Variants in SLC2A13 observed in about 807,000 individuals in gnomAD.
The protein encoded by SLC2A13 is proton myo-inositol cotransporter.
Under a neutral mutation model 64.4 loss-of-function variants are expected in SLC2A13, and 32 were observed. That is an observed-to-expected ratio of 0.50 (90% CI 0.37 to 0.67). The LOEUF (loss-of-function observed/expected upper bound fraction) is 0.67. Ranked by LOEUF, SLC2A13 falls within the 30% of genes least tolerant of loss-of-function variation. The pLI is 0.00. For synonymous variants in SLC2A13, 338 were observed against 327.1 expected, an observed-to-expected ratio of 1.03 and a Z score of -0.36; for missense variants, 743 against 829.2, an observed-to-expected ratio of 0.90 and a Z score of 1.28.
At chr12:39,967,809 G>C (rs991441614) in intron 3 of SLC2A13, among the ~76,000 whole-genome samples, 23 of 152,190 alleles carry the variant, frequency 1.5e-4, no homozygotes, top group Non-Finnish European at 1.5e-5. Flanking sequence ...GTGGGAGTTG[G>C]ATGGTGTAAA....
At chr12:39,929,210 A>AC (rs1452349327) in intron 4 of SLC2A13, among the ~76,000 whole-genome samples, 3 of 152,198 alleles carry the variant, frequency 2.0e-5, no homozygotes, top group Non-Finnish European at 4.4e-5. Context: ...TTTTCACAGG[A>AC]AACTAGTACA....
chr12:39,975,930 C>T (rs976102415), intron 3 of SLC2A13, among the ~76,000 whole-genome samples: 2 of 152,192 alleles, frequency 1.3e-5, no homozygotes, highest in Admixed American at 1.3e-4. Flanking sequence ...GCTATGTGCA[C>T]TAACAAACAG....
intron 3 of SLC2A13, among the ~76,000 whole-genome samples, chr12:39,989,112 ATTC>A (rs1947087232): frequency 6.6e-6 from 1 of 151,996 alleles, no homozygotes; most frequent in Non-Finnish European, 1.5e-5. Flanking sequence ...TTCCCTTCTC[ATTC>A]TTGAATAAAA....
chr12:40,104,597 T>G (rs776562353), intron 1 of SLC2A13, among the ~76,000 whole-genome samples: 33 of 151,324 alleles, frequency 2.2e-4, no homozygotes, highest in Non-Finnish European at 4.1e-4. Context: ...AGGATTCAAA[T>G]GAAAAAGTTG....
intron 6 of SLC2A13, among the ~76,000 whole-genome samples, chr12:39,852,380 G>T (rs1012006878): frequency 1.3e-5 from 2 of 152,186 alleles, no homozygotes; most frequent in African/African-American, 4.8e-5. Flanking sequence ...TTTCTACAGT[G>T]TAACAAATGT....
chr12:39,932,616 T>C (rs1024690302), intron 4 of SLC2A13, among the ~76,000 whole-genome samples: 7 of 151,996 alleles, frequency 4.6e-5, no homozygotes, highest in African/African-American at 1.7e-4. Context: ...ATGATAAACA[T>C]GACGGGAAAA....
chr12:39,797,722 T>C (rs1033965731), intron 7 of SLC2A13, among the ~76,000 whole-genome samples: 1 of 127,290 alleles, frequency 7.9e-6, no homozygotes, highest in Non-Finnish European at 1.6e-5. Flanking sequence ...AAGCCAGTTA[T>C]GGTAAACACA....
At chr12:40,091,950 T>C (rs1475054368) in intron 1 of SLC2A13, among the ~76,000 whole-genome samples, 3 of 152,194 alleles carry the variant, frequency 2.0e-5, no homozygotes, top group African/African-American at 7.2e-5. Context: ...ATACAATAAC[T>C]CTATGAATTA....
chr12:39,972,210 T>G (rs1946675962), intron 3 of SLC2A13, among the ~76,000 whole-genome samples: 2 of 147,610 alleles, frequency 1.4e-5, no homozygotes, highest in South Asian at 4.3e-4. Flanking sequence ...TGATGGTCAA[T>G]TGTTATCTCT....
intron 2 of SLC2A13, among the ~76,000 whole-genome samples, chr12:40,040,986 C>T (rs947932507): frequency 6.6e-6 from 1 of 151,962 alleles, no homozygotes; most frequent in Non-Finnish European, 1.5e-5. Context: ...TGGAGTCTAG[C>T]TGTGTCACCC....
chr12:40,044,351 G>A (rs1223880978), intron 2 of SLC2A13, among the ~76,000 whole-genome samples: 2 of 152,046 alleles, frequency 1.3e-5, no homozygotes, highest in Non-Finnish European at 2.9e-5. Context: ...AGGAGTGCAA[G>A]GTTTCTTTTT....
intron 7 of SLC2A13, among the ~76,000 whole-genome samples, chr12:39,767,783 TGTGA>T (rs1385421201): frequency 1.3e-5 from 2 of 152,066 alleles, no homozygotes; most frequent in African/African-American, 2.4e-5. Flanking sequence ...TTCTCATGAT[TGTGA>T]GTGAGTTCTC....
intron 3 of SLC2A13, among the ~76,000 whole-genome samples, chr12:40,005,186 T>C (rs1947395152): frequency 6.6e-6 from 1 of 152,190 alleles, no homozygotes; most frequent in Admixed American, 6.5e-5. Context: ...TTCAAAATTA[T>C]TGAAGAGTTA....
intron 1 of SLC2A13, among the ~76,000 whole-genome samples, chr12:40,085,262 T>G (rs1405818381): frequency 6.6e-6 from 1 of 152,214 alleles, no homozygotes; most frequent in Non-Finnish European, 1.5e-5. Context: ...CAAACTGTTT[T>G]CTGATTTCTG....
intron 6 of SLC2A13, among the ~76,000 whole-genome samples, chr12:39,848,057 G>T (rs2135888204): frequency 6.6e-6 from 1 of 152,118 alleles, no homozygotes; most frequent in African/African-American, 2.4e-5. Context: ...AAGTGGGAAA[G>T]TCAAAGCTCT....
intron 4 of SLC2A13, among the ~76,000 whole-genome samples, chr12:39,944,421 T>C (rs1353237381): frequency 6.6e-6 from 1 of 152,268 alleles, no homozygotes; most frequent in Non-Finnish European, 1.5e-5. Context: ...CTTGATGACC[T>C]GTCTAGTGCT....
At chr12:40,025,184 T>C (rs1345329477) in intron 3 of SLC2A13, among the ~76,000 whole-genome samples, 7 of 152,180 alleles carry the variant, frequency 4.6e-5, no homozygotes, top group African/African-American at 1.7e-4. Context: ...AGAGATGAGA[T>C]TCCATTGCAC....
chr12:39,990,929 T>C (rs1042857178), intron 3 of SLC2A13, among the ~76,000 whole-genome samples: 1 of 152,142 alleles, frequency 6.6e-6, no homozygotes, highest in African/African-American at 2.4e-5. Flanking sequence ...TCTCCTTTTT[T>C]CATCAACGGA....
intron 9 of SLC2A13, among the ~76,000 whole-genome samples, chr12:39,764,175 G>A (rs1323954729): frequency 6.6e-6 from 1 of 151,900 alleles, no homozygotes; most frequent in Non-Finnish European, 1.5e-5. Context: ...ATGGTGTAAA[G>A]ACTTCCACCT....
Sources: gnomAD v4.1 joint callset for allele counts (sites outside exome capture counted in the v4.1 genomes callset) on GRCh38, gnomAD v4.1.1 for gene constraint, MANE v1.5 for transcripts, NCBI Gene and HGNC (gene_info 2026-07-23, HGNC 2026-07-21) for gene names.